Variants in AIM2 observed in about 807,000 individuals in gnomAD.
The protein encoded by AIM2 is interferon-inducible protein AIM2.
A neutral mutation model predicts 27.7 loss-of-function variants in AIM2; 30 were observed. The observed-to-expected ratio is 1.08, with a 90% confidence interval of 0.81 to 1.47. The LOEUF is 1.47. Among genes scored for constraint, AIM2 ranks in the 40% most tolerant of loss-of-function variants. AIM2 has a pLI of 0.00. For synonymous variants in AIM2, 141 were observed against 145.3 expected, an observed-to-expected ratio of 0.97 and a Z score of 0.21; for missense variants, 358 against 411.3, an observed-to-expected ratio of 0.87 and a Z score of 1.12.
At chr1:159,055,132 A>G in the AIM2 span, 5 of 337,878 alleles carry the variant, frequency 1.5e-5, no homozygotes, top group South Asian at 8.5e-5. Flanking sequence ...AAATAAATAA[A>G]CATTATCTTT....
upstream of AIM2, among the ~76,000 whole-genome samples, chr1:159,144,481 C>T (rs1365187355): frequency 6.6e-6 from 1 of 152,128 alleles, no homozygotes; most frequent in Non-Finnish European, 1.5e-5. Flanking sequence ...GAGAAACAAT[C>T]AAATAAATCT....
chr1:159,105,756 C>A (rs2102022782), intron 1 of AIM2, among the ~76,000 whole-genome samples: 1 of 152,244 alleles, frequency 6.6e-6, no homozygotes, highest in Middle Eastern at 3.4e-3. Flanking sequence ...GTGAGTCTAG[C>A]TGAATCTGTG....
At position 159,065,787 on chromosome 1, in the gene AIM2, C is replaced by A. The variant is rs531543535; in HGVS notation, c.816+123G>T. The A allele has an allele frequency of 4.5e-6, 5 of 1,101,014 alleles. No individual in the cohort carries two copies. The East Asian group carries it at 1.1e-4, about 24-fold the overall frequency. The allele number at this position is 1,101,014 out of a possible 1,614,324, so 68.2% of individuals were successfully genotyped here. On this transcript the variant is annotated intron_variant, in intron 4 of 5. Transcript: ENST00000368130. ...ATGTTTACTCTGCAGCTCTTTAGAA[C>A]TTTGTATTTTTTTATTTTGTCTATA...
intron 1 of AIM2, among the ~76,000 whole-genome samples, chr1:159,109,007 A>G (rs576323141): frequency 1.3e-5 from 2 of 152,150 alleles, no homozygotes; most frequent in Non-Finnish European, 1.5e-5. Flanking sequence ...CCATTCAAAT[A>G]CCACCACCAT....
chr1:159,061,469 T>G (rs1453345856), downstream of AIM2, among the ~76,000 whole-genome samples: 2 of 152,044 alleles, frequency 1.3e-5, no homozygotes, highest in African/African-American at 4.8e-5. Context: ...CTCAGCTCAC[T>G]GCAAACTCCG....
upstream of AIM2, among the ~76,000 whole-genome samples, chr1:159,143,944 A>C (rs1306610006): frequency 6.6e-5 from 10 of 152,222 alleles, 1 homozygote; most frequent in Non-Finnish European, 1.3e-4. Context: ...CTCACCAAAT[A>C]AAATAACAAT....
intron 5 of AIM2, among the ~76,000 whole-genome samples, chr1:159,063,131 G>A (rs773822200): frequency 6.6e-6 from 1 of 152,146 alleles, no homozygotes; most frequent in African/African-American, 2.4e-5. Flanking sequence ...CTAGGGAAAT[G>A]TGTCCTCAAA....
chr1:159,068,811 G>C, intron 2 of AIM2, 110 bp from the exon 3 acceptor site: 1 of 1,118,696 alleles, frequency 8.9e-7, no homozygotes. Flanking sequence ...ATATCTTCAA[G>C]AACAGCTAAT....
intron 1 of AIM2, among the ~76,000 whole-genome samples, chr1:159,116,727 A>C (rs1246607406): frequency 6.6e-6 from 1 of 152,078 alleles, no homozygotes; most frequent in Non-Finnish European, 1.5e-5. Context: ...AGATATACCT[A>C]ATGTTAAATG....
At position 159,074,601 on chromosome 1, in the gene AIM2, T is replaced by C. The variant is rs558087482; in HGVS notation, c.-20-1082A>G. On this transcript the variant is annotated intron_variant, in intron 1 of 5. Transcript: ENST00000368130. ...TGTTTATGTATAGTATCCAAAATAATACACAAAACATTATAAATAATAATT... is the reference window on the plus strand; with the variant it reads ...TGTTTATGTATAGTATCCAAAATAACACACAAAACATTATAAATAATAATT... Among the ~76,000 whole-genome samples the C allele has an allele frequency of 2.0e-5, 3 of 152,208 alleles. No individual in the cohort carries two copies. In the South Asian group the frequency reaches 6.2e-4, roughly 32 times the overall value.
intron 1 of AIM2, among the ~76,000 whole-genome samples, chr1:159,137,565 G>C (rs1301272596): frequency 6.6e-6 from 1 of 152,178 alleles, no homozygotes; most frequent in East Asian, 1.9e-4. Context: ...GCTGAGGCAG[G>C]AGAATGGCTT....
At chr1:159,100,642 T>C (rs55783705) in intron 1 of AIM2, among the ~76,000 whole-genome samples, 4,879 of 152,342 alleles carry the variant, frequency 0.032, 104 homozygotes, top group Non-Finnish European at 0.046. Flanking sequence ...TTTACAACAA[T>C]TGAATCTGCA....
intron 5 of AIM2, 59 bp downstream of exon 5, chr1:159,063,427 A>G: frequency 4.0e-6 from 6 of 1,515,964 alleles, no homozygotes; most frequent in Non-Finnish European, 3.6e-6. Flanking sequence ...CGGCTTTCTG[A>G]TAGAAAACAA....
At chr1:159,095,659 C>T (rs987498190) in intron 1 of AIM2, among the ~76,000 whole-genome samples, 6 of 151,766 alleles carry the variant, frequency 4.0e-5, no homozygotes, top group Non-Finnish European at 7.4e-5. Context: ...TAAGGTACCA[C>T]GTTTGTCTTG....
intron 1 of AIM2, among the ~76,000 whole-genome samples, chr1:159,137,105 T>A (rs1648024118): frequency 6.6e-6 from 1 of 152,214 alleles, no homozygotes; most frequent in Non-Finnish European, 1.5e-5. Flanking sequence ...CCACTCAAAC[T>A]CATCAGTGGT....
chr1:159,125,712 A>T (rs2102044520), intron 1 of AIM2, among the ~76,000 whole-genome samples: 1 of 152,294 alleles, frequency 6.6e-6, no homozygotes, highest in South Asian at 2.1e-4. Flanking sequence ...TTTTGTGAAG[A>T]TTAGAGGCTG....
At chr1:159,111,696 G>A (rs1657574874) in intron 1 of AIM2, among the ~76,000 whole-genome samples, 1 of 151,496 alleles carries the variant, frequency 6.6e-6, no homozygotes, top group Non-Finnish European at 1.5e-5. Flanking sequence ...TAAATAAGAT[G>A]GGGCCAAATG....
At chr1:159,109,767 A>G (rs1316619907) in intron 1 of AIM2, among the ~76,000 whole-genome samples, 1 of 152,244 alleles carries the variant, frequency 6.6e-6, no homozygotes, top group East Asian at 1.9e-4. Flanking sequence ...GACAATTCTC[A>G]AAAGAAAATA....
At chr1:159,071,357 A>G (rs1656356550) in intron 2 of AIM2, among the ~76,000 whole-genome samples, 1 of 152,258 alleles carries the variant, frequency 6.6e-6, no homozygotes, top group Admixed American at 6.5e-5. Context: ...AATAAAACAA[A>G]AACTGTTTTC....
Sources: allele counts gnomAD v4.1 joint callset (sites outside exome capture counted in the v4.1 genomes callset), GRCh38; gene constraint gnomAD v4.1.1; transcripts MANE v1.5; gene names NCBI Gene and HGNC (gene_info 2026-07-23, HGNC 2026-07-21).